ESRRG: variants seen among roughly 807,000 people sequenced by gnomAD.
The protein encoded by ESRRG is estrogen related receptor gamma.
In ESRRG, 13 loss-of-function variants were observed where a neutral mutation model predicts 44.0. The observed-to-expected ratio is 0.30, with a 90% confidence interval of 0.19 to 0.47. The LOEUF (loss-of-function observed/expected upper bound fraction) is 0.47. Ranked by LOEUF, ESRRG falls within the 20% of genes least tolerant of loss-of-function variation. The pLI, the probability that ESRRG is intolerant of heterozygous loss-of-function variation, is 1.00. For missense variants in ESRRG, 395 were observed against 580.6 expected (o/e 0.68, Z 3.29); for synonymous variants, 215 against 214.6 (o/e 1.00, Z -0.02).
chr1:216,989,128 ACTCAACACCAG>A (rs2150487722), intron 1 of ESRRG, among the ~76,000 whole-genome samples: 1 of 152,144 alleles, frequency 6.6e-6, no homozygotes, highest in South Asian at 2.1e-4. Context: ...ATACATCAAA[ACTCAACACCAG>A]ATATCGGTGT....
At chr1:216,595,802 C>T (rs2058344425) in intron 3 of ESRRG, among the ~76,000 whole-genome samples, 1 of 152,168 alleles carries the variant, frequency 6.6e-6, no homozygotes, top group South Asian at 2.1e-4. Flanking sequence ...TTCTACAATG[C>T]TGGATTATGA....
intron 2 of ESRRG, among the ~76,000 whole-genome samples, chr1:216,877,625 C>T (rs772178696): frequency 2.0e-5 from 3 of 151,944 alleles, no homozygotes; most frequent in African/African-American, 7.3e-5. Context: ...CAGGCTGTCT[C>T]GAACTCCAGA....
At chr1:217,114,267 A>G (rs530943867) in intron 1 of ESRRG, among the ~76,000 whole-genome samples, 1 of 151,956 alleles carries the variant, frequency 6.6e-6, no homozygotes, top group East Asian at 1.9e-4. Context: ...AGCCTCATGC[A>G]CTTTCTGAGT....
intron 2 of ESRRG, among the ~76,000 whole-genome samples, chr1:216,855,742 C>T (rs764039698): frequency 7.9e-5 from 12 of 152,220 alleles, no homozygotes; most frequent in East Asian, 1.9e-4. Context: ...TGGGAACCAA[C>T]GAGATAAATG....
At chr1:216,572,833 C>T (rs200099720) in intron 3 of ESRRG, among the ~76,000 whole-genome samples, 1 of 151,888 alleles carries the variant, frequency 6.6e-6, no homozygotes, top group East Asian at 1.9e-4. Context: ...TATTCTAAGT[C>T]AAAAACATTG....
rs375861109 is a variant in ESRRG, at chr1:216,705,363, C to T, written c.56+17881G>A. Among the ~76,000 whole-genome samples the T allele has an allele frequency of 8.4e-4, 128 of 152,002 alleles. 1 individual carries two copies. Among genetic ancestry groups the T allele is most frequent in the African/African-American group, 2.8e-3 (115 of 41,486 alleles). ...TTATATCTAGTAAGGAAAAAAAGGACACAATCTGTGTAAATTATTCACTAA... is the reference window on the plus strand; with the variant it reads ...TTATATCTAGTAAGGAAAAAAAGGATACAATCTGTGTAAATTATTCACTAA... On this transcript the variant is annotated intron_variant, in intron 1 of 6. Coordinates refer to ENST00000408911, the MANE Select transcript of ESRRG (RefSeq NM_001438.4).
At chr1:216,569,731 A>G (rs1443302056) in intron 3 of ESRRG, among the ~76,000 whole-genome samples, 1 of 152,218 alleles carries the variant, frequency 6.6e-6, no homozygotes, top group Non-Finnish European at 1.5e-5. Context: ...AAGAAGTTCA[A>G]CCATGTAATT....
intron 2 of ESRRG, among the ~76,000 whole-genome samples, chr1:216,747,452 G>T: frequency 6.6e-6 from 1 of 152,082 alleles, no homozygotes; most frequent in East Asian, 1.9e-4. Flanking sequence ...GCATCACAAG[G>T]ATATAATGAT....
Position 216,505,884 on chromosome 1 carries a change from C to T in ESRRG, c.*1055G>A, listed in dbSNP as rs541052817. 51 of 152,592 alleles carry T rather than the reference C, an allele frequency of 3.3e-4. No homozygotes were observed. The highest frequency in any genetic ancestry group is 1.2e-3 in the African/African-American group (51 of 41,516). The allele number at this position is 152,592 out of a possible 1,614,324, so 9.5% of individuals were successfully genotyped here. A position where few individuals can be genotyped will look rare whatever the true frequency, so the allele number is the denominator to read the frequency against. On this transcript the variant is annotated 3_prime_UTR_variant, in exon 7 of 7. Coordinates refer to ENST00000408911, the MANE Select transcript of ESRRG (RefSeq NM_001438.4). ...TGGCTGAAAAGTGGTAAAGCTGGTA[C>T]AAAAAAATCTCCATTTGTAAGAAGA...
intron 2 of ESRRG, among the ~76,000 whole-genome samples, chr1:216,765,801 T>G (rs1217684998): frequency 6.6e-6 from 1 of 152,092 alleles, no homozygotes; most frequent in Non-Finnish European, 1.5e-5. Flanking sequence ...CTGACAAAGC[T>G]TTTGAACATG....
intron 6 of ESRRG, among the ~76,000 whole-genome samples, chr1:216,507,955 A>G (rs1347403015): frequency 6.6e-6 from 1 of 152,202 alleles, no homozygotes; most frequent in Non-Finnish European, 1.5e-5. Flanking sequence ...AGATGTGGGG[A>G]AAAAATAAAA....
At chr1:216,747,451 G>A (rs910865566) in intron 2 of ESRRG, among the ~76,000 whole-genome samples, 2 of 152,092 alleles carry the variant, frequency 1.3e-5, no homozygotes, top group African/African-American at 2.4e-5. Context: ...AGCATCACAA[G>A]GATATAATGA....
chr1:216,693,036 C>T (rs2079374119), intron 1 of ESRRG, among the ~76,000 whole-genome samples: 1 of 152,182 alleles, frequency 6.6e-6, no homozygotes, highest in South Asian at 2.1e-4. Flanking sequence ...CTTTGTAAGT[C>T]CCCATGCTAA....
intron 1 of ESRRG, among the ~76,000 whole-genome samples, chr1:217,130,006 C>T (rs2092943052): frequency 6.6e-6 from 1 of 152,034 alleles, no homozygotes; most frequent in South Asian, 2.1e-4. Context: ...TAAATATTAA[C>T]TTGAACCCCC....
At chr1:216,544,519 T>A (rs1253085008) in intron 5 of ESRRG, among the ~76,000 whole-genome samples, 1 of 151,906 alleles carries the variant, frequency 6.6e-6, no homozygotes, top group Non-Finnish European at 1.5e-5. Context: ...GTGCTAGGCT[T>A]TTTGGTGCTT....
chr1:216,589,197 C>T (rs2057223858), intron 3 of ESRRG, among the ~76,000 whole-genome samples: 1 of 152,096 alleles, frequency 6.6e-6, no homozygotes, highest in African/African-American at 2.4e-5. Context: ...AAACTTGAGC[C>T]ACCAACATAG....
intron 1 of ESRRG, among the ~76,000 whole-genome samples, chr1:217,014,091 T>C (rs2079012505): frequency 6.6e-6 from 1 of 152,092 alleles, no homozygotes; most frequent in Non-Finnish European, 1.5e-5. Flanking sequence ...TTTTACCCCC[T>C]TTCCCTCCTT....
intron 1 of ESRRG, chr1:216,715,201 A>T: frequency 2.0e-6 from 2 of 985,370 alleles, no homozygotes; most frequent in Non-Finnish European, 2.4e-6. Context: ...TTGCTTTTCC[A>T]TCTGTGACAC....
intron 1 of ESRRG, among the ~76,000 whole-genome samples, chr1:217,008,157 C>A (rs1052476169): frequency 6.6e-6 from 1 of 152,192 alleles, no homozygotes; most frequent in Admixed American, 6.5e-5. Flanking sequence ...CCATTTACAC[C>A]TTTTAATTCC....
Sources: allele counts gnomAD v4.1 joint callset (sites outside exome capture counted in the v4.1 genomes callset), GRCh38; gene constraint gnomAD v4.1.1; transcripts MANE v1.5; gene names NCBI Gene and HGNC (gene_info 2026-07-23, HGNC 2026-07-21).